SV2B: variants seen among roughly 807,000 people sequenced by gnomAD.
SV2B encodes synaptic vesicle glycoprotein 2B.
A neutral mutation model predicts 73.9 loss-of-function variants in SV2B; 41 were observed. The ratio of observed to expected loss-of-function variants is 0.56; its 90% CI spans 0.43 to 0.72. The LOEUF is 0.72. Among genes scored for constraint, SV2B ranks in the 30% least tolerant of loss-of-function variants. The pLI is 0.00. For missense variants in SV2B, 764 were observed against 857.8 expected (o/e 0.89, Z 1.37); for synonymous variants, 314 against 314.2 (o/e 1.00, Z 0.01).
At chr15:91,213,677 A>G (rs548884450) in intron 1 of SV2B, among the ~76,000 whole-genome samples, 5 of 152,256 alleles carry the variant, frequency 3.3e-5, no homozygotes, top group Admixed American at 3.3e-4. Context: ...TAATTTTAAA[A>G]ATTCAGGTCA....
Position 91,123,525 on chromosome 15 carries a change from G to C in SV2B, c.-392+23162G>C, listed in dbSNP as rs560516389. Among the ~76,000 whole-genome samples, 1 of 152,116 alleles carries C rather than the reference G, an allele frequency of 6.6e-6. No individual in the cohort carries two copies. The highest frequency in any genetic ancestry group is 1.5e-5 in the Non-Finnish European group (1 of 68,036). On this transcript the variant is annotated intron_variant, in intron 1 of 12. Transcript: ENST00000394232. This position sits in a 1 kb window ranked among gnomAD's most constrained non-coding sequence, Gnocchi z 4.7. The stretch of plus-strand genomic sequence containing the variant: ...CACAGAGCCTGCACTTGGGTACCCC[G>C]GGAGAACTTAGGGAGACGGGATCTG...
intron 1 of SV2B, among the ~76,000 whole-genome samples, chr15:91,173,576 C>G (rs2044199603): frequency 6.6e-6 from 1 of 152,162 alleles, no homozygotes; most frequent in Non-Finnish European, 1.5e-5. Context: ...CTCAGTCCTC[C>G]CAGCCTGCCT....
Position 91,268,370 on chromosome 15 carries a change from A to G in SV2B, c.1209-71A>G. On this transcript the variant is annotated intron_variant, in intron 8 of 12. Coordinates refer to ENST00000394232, the MANE Select transcript of SV2B (RefSeq NM_001323032.3). This position sits in a 1 kb window ranked among gnomAD's most constrained non-coding sequence, Gnocchi z 4.4. ...CAATGAGTTTGATCTGCATCAAGTCAAGAGTGTAGACCCTGATCATGAAAG... is the reference window on the plus strand; with the variant it reads ...CAATGAGTTTGATCTGCATCAAGTCGAGAGTGTAGACCCTGATCATGAAAG... 6.8e-7 allele frequency: 1 copy of G among 1,460,508 alleles called. No individual in the cohort carries two copies. The highest frequency in any genetic ancestry group is 2.3e-5 in the East Asian group (1 of 42,986). 90.5% of individuals were successfully genotyped at this position (1,460,508 alleles called of 1,614,324 possible).
At chr15:91,278,844 A>G (rs8043200) in intron 9 of SV2B, among the ~76,000 whole-genome samples, 66,906 of 151,530 alleles carry the variant, frequency 0.44, 18,125 homozygotes, top group African/African-American at 0.77. Context: ...ATATGTGAGA[A>G]GCCGGGGTGC....
At chr15:91,102,632 G>A (rs1567252264) in intron 1 of SV2B, among the ~76,000 whole-genome samples, 1 of 152,178 alleles carries the variant, frequency 6.6e-6, no homozygotes, top group Non-Finnish European at 1.5e-5. Context: ...GTGTGTGTGT[G>A]TAAGATGATG....
At chr15:91,109,995 G>A (rs956102465) in intron 1 of SV2B, among the ~76,000 whole-genome samples, 1 of 152,178 alleles carries the variant, frequency 6.6e-6, no homozygotes, top group African/African-American at 2.4e-5. Context: ...AAAGTGCTGG[G>A]ATTACAGGCA....
chr15:91,216,802 T>C (rs1271896493), intron 1 of SV2B, among the ~76,000 whole-genome samples: 2 of 151,578 alleles, frequency 1.3e-5, no homozygotes, highest in African/African-American at 4.9e-5. Context: ...AGCATAGCAT[T>C]AAACCAGTTC....
intron 1 of SV2B, among the ~76,000 whole-genome samples, chr15:91,104,104 C>T (rs974752985): frequency 2.6e-5 from 4 of 152,306 alleles, no homozygotes; most frequent in African/African-American, 4.8e-5. Context: ...ACCTTGCCAA[C>T]GGGACTACAG....
At chr15:91,246,242 T>C (rs2141587963) in intron 2 of SV2B, among the ~76,000 whole-genome samples, 1 of 152,332 alleles carries the variant, frequency 6.6e-6, no homozygotes, top group South Asian at 2.1e-4. Context: ...CTATCCTTTT[T>C]CCTCATATTC....
intron 1 of SV2B, among the ~76,000 whole-genome samples, chr15:91,195,042 C>G (rs1464964760): frequency 1.3e-5 from 2 of 152,122 alleles, no homozygotes; most frequent in South Asian, 4.1e-4. Flanking sequence ...AAAGGAGAAA[C>G]AAACTCTTAC....
Position 91,267,524 on chromosome 15 carries a change from T to C in SV2B, c.1120-31T>C. 3 of 1,587,434 alleles carry C rather than the reference T, an allele frequency of 1.9e-6. No individual in the cohort carries two copies. The highest frequency in any genetic ancestry group is 2.6e-6 in the Non-Finnish European group (3 of 1,157,478). On this transcript the variant is annotated intron_variant, in intron 7 of 12. Coordinates refer to ENST00000394232, the MANE Select transcript of SV2B (RefSeq NM_001323032.3). This position sits in a 1 kb window ranked among gnomAD's most constrained non-coding sequence, Gnocchi z 4.3. ...AGAAACAAAGTCACACATTGCTTTC[T>C]TTAACAATCCTTCTCTGGTATGGGT...
At chr15:91,153,208 C>T (rs1453926478) in intron 1 of SV2B, among the ~76,000 whole-genome samples, 3 of 152,184 alleles carry the variant, frequency 2.0e-5, no homozygotes, top group Non-Finnish European at 4.4e-5. Context: ...CTTACTTCAC[C>T]TCCACCTCTT....
chr15:91,292,339 G>A (rs767336608), intron 12 of SV2B, 30 bp from the exon 13 acceptor site: 1 of 1,604,406 alleles, frequency 6.2e-7, no homozygotes, highest in Admixed American at 1.7e-5. Flanking sequence ...GGTTCAGAAT[G>A]TCAGAATTAT....
chr15:91,282,617 C>A (rs922093876), intron 10 of SV2B, among the ~76,000 whole-genome samples: 17 of 152,082 alleles, frequency 1.1e-4, no homozygotes, highest in Admixed American at 6.5e-5. Flanking sequence ...TGCTCAAGGC[C>A]GTGGTTAGCA....
intron 1 of SV2B, among the ~76,000 whole-genome samples, chr15:91,119,188 C>T (rs8024928): frequency 0.3 from 45,806 of 152,156 alleles, 8,667 homozygotes; most frequent in Non-Finnish European, 0.42. Flanking sequence ...CTTTCCCCAA[C>T]GGTAGGAGCT....
rs1331376563 is a variant in SV2B at position 91,123,212 on chromosome 15, A to T, written c.-392+22849A>T. Among the ~76,000 whole-genome samples the T allele has an allele frequency of 6.6e-6, 1 of 152,172 alleles. No homozygotes were observed. Among genetic ancestry groups the T allele is most frequent in the Non-Finnish European group, 1.5e-5 (1 of 68,028 alleles). On this transcript the variant is annotated intron_variant, in intron 1 of 12. Transcript: ENST00000394232. The surrounding 1 kb of genome is among the most constrained non-coding windows in gnomAD (Gnocchi z 4.7). ...CCACTTGAGCCTGGGAGTTCATTAA[A>T]GCTGCAGTGAGCCATGTTCATACCA...
At chr15:91,133,222 C>T (rs1047144692) in intron 1 of SV2B, among the ~76,000 whole-genome samples, 1 of 152,128 alleles carries the variant, frequency 6.6e-6, no homozygotes, top group Non-Finnish European at 1.5e-5. Context: ...CAGACTGGGT[C>T]TCGGGGCTAA....
At chr15:91,170,437 G>A (rs1447417341) in intron 1 of SV2B, among the ~76,000 whole-genome samples, 1 of 152,066 alleles carries the variant, frequency 6.6e-6, no homozygotes, top group Non-Finnish European at 1.5e-5. Flanking sequence ...ATAGGCATGT[G>A]CCACCACACC....
At chr15:91,251,744 T>C in intron 2 of SV2B, 75 bp from the exon 3 acceptor site, 1 of 1,439,968 alleles carries the variant, frequency 6.9e-7, no homozygotes, top group Non-Finnish European at 9.4e-7. Context: ...ATGAACATTG[T>C]ATTTTGTAAA....
Sources: gnomAD v4.1 joint callset for allele counts (sites outside exome capture counted in the v4.1 genomes callset) on GRCh38, gnomAD v4.1.1 for gene constraint, Gnocchi (gnomAD v3.1) non-coding constraint, MANE v1.5 for transcripts, NCBI Gene and HGNC (gene_info 2026-07-23, HGNC 2026-07-21) for gene names.